SGSM1: variants seen among roughly 807,000 people sequenced by gnomAD.
SGSM1 encodes RUN and TBC1 domain containing 2.
SGSM1 carries 73 observed loss-of-function variants against 133.8 expected under a neutral mutation model. The ratio of observed to expected loss-of-function variants is 0.55; its 90% CI spans 0.45 to 0.66. The LOEUF (loss-of-function observed/expected upper bound fraction) is 0.66. Among genes scored for constraint, SGSM1 ranks in the 30% least tolerant of loss-of-function variants. The pLI, the probability that SGSM1 is intolerant of heterozygous loss-of-function variation, is 0.00. For synonymous variants in SGSM1, 563 were observed against 573.0 expected, an observed-to-expected ratio of 0.98 and a Z score of 0.25; for missense variants, 1,213 against 1,448.1, an observed-to-expected ratio of 0.84 and a Z score of 2.64.
At position 24,806,218 on chromosome 22, in the gene SGSM1, G is replaced by T. The variant is rs1031995234; in HGVS notation, c.-108G>T. The stretch of plus-strand genomic sequence containing the variant: ...GGGCGCCCTCCGGCCGTCACTCAGC[G>T]CTCGGCCCCGCCCCGCCGCGGCTGC... On this transcript the variant is annotated 5_prime_UTR_variant, in exon 1 of 25. Transcript: ENST00000400358. 18 of 1,240,286 alleles carry T rather than the reference G, an allele frequency of 1.5e-5. No individual in the cohort carries two copies. The highest frequency in any genetic ancestry group is 1.6e-5 in the Non-Finnish European group (16 of 990,774). The allele number at this position is 1,240,286 out of a possible 1,614,324, so 76.8% of individuals were successfully genotyped here. A position where few individuals can be genotyped will look rare whatever the true frequency, so the allele number is the denominator to read the frequency against.
chr22:24,867,040 G>A (rs774733689), intron 9 of SGSM1, 53 bp from the exon 10 acceptor site: 29 of 1,581,334 alleles, frequency 1.8e-5, no homozygotes, highest in Admixed American at 5.3e-5. Flanking sequence ...GAGCCCCTCC[G>A]CACAGTGGGG....
chr22:24,883,406 CAG>C (rs1287152174), intron 14 of SGSM1, among the ~76,000 whole-genome samples: 2 of 152,174 alleles, frequency 1.3e-5, no homozygotes, highest in African/African-American at 4.8e-5. Flanking sequence ...TAGAGACAGA[CAG>C]AGGCACAGCA....
At chr22:24,868,339 C>T in intron 10 of SGSM1, 37 bp from the exon 11 acceptor site, 2 of 1,587,730 alleles carry the variant, frequency 1.3e-6, no homozygotes, top group Non-Finnish European at 1.7e-6. Flanking sequence ...CTCATAGTGA[C>T]TTCCACTGGG....
intron 2 of SGSM1, among the ~76,000 whole-genome samples, chr22:24,812,176 AG>A (rs111458878): frequency 0.35 from 43,404 of 124,382 alleles, 7,088 homozygotes; most frequent in Admixed American, 0.41. Context: ...TCTCAAAAAA[AG>A]AAAAAAAAAA....
intron 2 of SGSM1, among the ~76,000 whole-genome samples, chr22:24,822,682 G>A (rs1008336588): frequency 6.6e-6 from 1 of 152,150 alleles, no homozygotes; most frequent in Admixed American, 6.5e-5. Context: ...AGGTGCCACC[G>A]TCCCCTGGCT....
At chr22:24,896,211 G>A (rs1196517129) in intron 18 of SGSM1, among the ~76,000 whole-genome samples, 1 of 151,966 alleles carries the variant, frequency 6.6e-6, no homozygotes, top group African/African-American at 2.4e-5. Flanking sequence ...GAGAGAGGAG[G>A]GGGCAGAGAC....
intron 2 of SGSM1, among the ~76,000 whole-genome samples, chr22:24,807,061 C>A (rs190610047): frequency 1.1e-3 from 170 of 152,228 alleles, no homozygotes; most frequent in Non-Finnish European, 1.4e-3. Flanking sequence ...TCACTCCCCC[C>A]GCCCCACTCC....
intron 21 of SGSM1, among the ~76,000 whole-genome samples, chr22:24,910,280 C>T (rs765139950): frequency 2.5e-4 from 38 of 152,050 alleles, no homozygotes; most frequent in Non-Finnish European, 4.4e-4. Context: ...GTGGTGATTG[C>T]ACAACATTGT....
intron 2 of SGSM1, among the ~76,000 whole-genome samples, chr22:24,837,204 G>A (rs544218480): frequency 7.2e-4 from 109 of 152,338 alleles, no homozygotes; most frequent in African/African-American, 2.6e-3. Flanking sequence ...AGAAGGGGCA[G>A]GGTAAAGAAT....
At chr22:24,909,454 A>T (rs564672761) in intron 21 of SGSM1, among the ~76,000 whole-genome samples, 13 of 151,290 alleles carry the variant, frequency 8.6e-5, no homozygotes, top group African/African-American at 1.7e-4. Flanking sequence ...TTATTTATTT[A>T]TTATTATTAT....
intron 24 of SGSM1, among the ~76,000 whole-genome samples, chr22:24,921,994 C>A (rs575248059): frequency 1.5e-4 from 23 of 152,130 alleles, no homozygotes; most frequent in African/African-American, 5.5e-4. Flanking sequence ...AACCACCGTG[C>A]CTAGCCAATA....
chr22:24,830,348 A>C (rs1929043025), intron 2 of SGSM1, among the ~76,000 whole-genome samples: 1 of 152,186 alleles, frequency 6.6e-6, no homozygotes, highest in Non-Finnish European at 1.5e-5. Context: ...TTCCCAGGGT[A>C]AGAAGGTTGC....
intron 2 of SGSM1, among the ~76,000 whole-genome samples, chr22:24,838,973 A>G (rs1188080015): frequency 6.7e-6 from 1 of 149,798 alleles, no homozygotes; most frequent in Non-Finnish European, 1.5e-5. Flanking sequence ...ATTTCATTAA[A>G]TCTGTCGATT....
At chr22:24,833,845 A>G (rs1208305615) in intron 2 of SGSM1, among the ~76,000 whole-genome samples, 1 of 152,158 alleles carries the variant, frequency 6.6e-6, no homozygotes, top group Non-Finnish European at 1.5e-5. Context: ...AGGCCAGAGG[A>G]ATAAGTGGGG....
At chr22:24,876,199 C>T (rs911338814) in intron 12 of SGSM1, among the ~76,000 whole-genome samples, 1 of 152,202 alleles carries the variant, frequency 6.6e-6, no homozygotes, top group Non-Finnish European at 1.5e-5. Flanking sequence ...AGCCATGAGG[C>T]CTGTCTCTTC....
chr22:24,867,727 A>G (rs1931534673), intron 10 of SGSM1, among the ~76,000 whole-genome samples: 1 of 152,218 alleles, frequency 6.6e-6, no homozygotes, highest in Admixed American at 6.5e-5. Context: ...ATCCTGCTTT[A>G]GAAAGCAAAT....
At chr22:24,816,613 G>T (rs1353608023) in intron 2 of SGSM1, among the ~76,000 whole-genome samples, 1 of 151,906 alleles carries the variant, frequency 6.6e-6, no homozygotes, top group East Asian at 1.9e-4. Flanking sequence ...CACCATATTG[G>T]CCAGGCTGGT....
At chr22:24,919,670 C>T (rs1441690888) in intron 23 of SGSM1, among the ~76,000 whole-genome samples, 156 bp from the exon 24 acceptor site, 1 of 152,198 alleles carries the variant, frequency 6.6e-6, no homozygotes, top group Non-Finnish European at 1.5e-5. Flanking sequence ...GCCCAGGTCT[C>T]CTGCCTTCTG....
intron 3 of SGSM1, among the ~76,000 whole-genome samples, chr22:24,845,969 C>CT (rs376243892): frequency 2.8e-5 from 4 of 141,458 alleles, no homozygotes; most frequent in African/African-American, 8.2e-5. Flanking sequence ...TTCTTTCTTT[C>CT]TTTCTTTCTT....
Sources: gnomAD v4.1 joint callset for allele counts (sites outside exome capture counted in the v4.1 genomes callset) on GRCh38, gnomAD v4.1.1 for gene constraint, MANE v1.5 for transcripts, NCBI Gene and HGNC (gene_info 2026-07-23, HGNC 2026-07-21) for gene names.